ARFGEF2: variants seen among roughly 807,000 people sequenced by gnomAD.
The protein encoded by ARFGEF2 is brefeldin A-inhibited guanine nucleotide-exchange protein 2.
Under a neutral mutation model 219.9 loss-of-function variants are expected in ARFGEF2, and 74 were observed. That is an observed-to-expected ratio of 0.34 (90% confidence interval 0.28 to 0.41). The LOEUF (loss-of-function observed/expected upper bound fraction) is 0.41, where lower values mean the gene tolerates loss of function less well. Ranked by LOEUF, ARFGEF2 falls within the 10% of genes least tolerant of loss-of-function variation. The pLI is 1.00. For synonymous variants in ARFGEF2, 733 were observed against 799.2 expected, an observed-to-expected ratio of 0.92 and a Z score of 1.40; for missense variants, 1,743 against 2,218.3, an observed-to-expected ratio of 0.79 and a Z score of 4.30.
At chr20:48,980,768 GT>G (rs2123441765) in intron 14 of ARFGEF2, among the ~76,000 whole-genome samples, 1 of 152,104 alleles carries the variant, frequency 6.6e-6, no homozygotes, top group Admixed American at 6.5e-5. Context: ...ATCTTTGTTG[GT>G]TTAAAGTCTG....
chr20:49,011,863 A>G, intron 27 of ARFGEF2, 61 bp from the exon 28 acceptor site: 1 of 1,596,692 alleles, frequency 6.3e-7, no homozygotes, highest in South Asian at 1.1e-5. Context: ...ACGCACGTGC[A>G]TTTTTTCATC....
intron 10 of ARFGEF2, 136 bp downstream of exon 10, chr20:48,971,490 A>G (rs2091227276): frequency 1.2e-6 from 1 of 840,368 alleles, no homozygotes; most frequent in Non-Finnish European, 1.9e-6. Context: ...TTCATATCTT[A>G]CCATCCTGGA....
intron 22 of ARFGEF2, 137 bp from the exon 23 acceptor site, chr20:48,995,646 G>A: frequency 1.3e-6 from 1 of 786,628 alleles, no homozygotes; most frequent in Non-Finnish European, 2.2e-6. Flanking sequence ...TCATCAGTGG[G>A]TTTTTGTTTC....
At chr20:49,008,274 A>T (rs2091475178) in intron 26 of ARFGEF2, among the ~76,000 whole-genome samples, 1 of 152,220 alleles carries the variant, frequency 6.6e-6, no homozygotes. Flanking sequence ...AAATGTTCAC[A>T]ATGTTTGGCC....
chr20:49,013,153 C>G (rs1018509294), intron 28 of ARFGEF2, among the ~76,000 whole-genome samples: 2 of 152,102 alleles, frequency 1.3e-5, no homozygotes, highest in African/African-American at 4.8e-5. Context: ...AGTGCCTGGC[C>G]CATAGCAAGC....
Position 48,969,293 on chromosome 20 carries a change from T to C in ARFGEF2, c.1190+16T>C, listed in dbSNP as rs1360545097. 6.2e-7 allele frequency: 1 copy of C among 1,614,136 alleles called. No individual in the cohort carries two copies. The highest frequency in any genetic ancestry group is 2.2e-5 in the East Asian group (1 of 44,882). On this transcript the variant is annotated intron_variant, in intron 9 of 38. Coordinates refer to ENST00000371917, the MANE Select transcript of ARFGEF2 (RefSeq NM_006420.3). ...CAGACCCAAAGTAAGCAGACAGCAG[T>C]TCTTGGCCACCTTCAGTCCAATGAT...
intron 33 of ARFGEF2, 24 bp downstream of exon 33, chr20:49,017,574 G>A: frequency 6.2e-7 from 1 of 1,613,296 alleles, no homozygotes; most frequent in Non-Finnish European, 8.5e-7. Flanking sequence ...TTTTTCTTTG[G>A]TTGTCTTTTC....
intron 34 of ARFGEF2, among the ~76,000 whole-genome samples, chr20:49,019,952 TAA>T (rs1485291728): frequency 6.6e-6 from 1 of 152,212 alleles, no homozygotes; most frequent in Non-Finnish European, 1.5e-5. Context: ...TACTGTCATT[TAA>T]AAAAATAAGT....
At chr20:48,947,436 G>A (rs2091035356) in intron 3 of ARFGEF2, among the ~76,000 whole-genome samples, 1 of 151,708 alleles carries the variant, frequency 6.6e-6, no homozygotes, top group Non-Finnish European at 1.5e-5. Context: ...GGGCATGATG[G>A]TTCACGCCTA....
intron 3 of ARFGEF2, among the ~76,000 whole-genome samples, chr20:48,948,187 A>G (rs1290676524): frequency 6.6e-6 from 1 of 152,226 alleles, no homozygotes; most frequent in Non-Finnish European, 1.5e-5. Flanking sequence ...CCCCAAACCC[A>G]ATTGCCTGTT....
At chr20:48,933,692 G>A (rs746655538) in intron 1 of ARFGEF2, among the ~76,000 whole-genome samples, 13 of 152,082 alleles carry the variant, frequency 8.5e-5, no homozygotes, top group African/African-American at 1.9e-4. Context: ...GCCAGCTGCC[G>A]CCTTAGTCAC....
At chr20:48,955,359 A>G (rs988771825) in intron 6 of ARFGEF2, among the ~76,000 whole-genome samples, 1 of 152,072 alleles carries the variant, frequency 6.6e-6, no homozygotes, top group Non-Finnish European at 1.5e-5. Flanking sequence ...GTAGCTCCTC[A>G]TCATATCTGT....
chr20:48,978,432 A>G (rs1019312007), intron 14 of ARFGEF2, among the ~76,000 whole-genome samples: 2 of 152,200 alleles, frequency 1.3e-5, no homozygotes, highest in South Asian at 2.1e-4. Flanking sequence ...CTTTTTGCTT[A>G]GGATTGTCTT....
intron 23 of ARFGEF2, among the ~76,000 whole-genome samples, chr20:48,997,336 G>C (rs1382692203): frequency 6.6e-6 from 1 of 152,226 alleles, no homozygotes; most frequent in African/African-American, 2.4e-5. Context: ...GCAGTGATGT[G>C]ATCTTGGCTC....
intron 20 of ARFGEF2, among the ~76,000 whole-genome samples, chr20:48,990,134 G>A (rs1376134330): frequency 2.0e-5 from 3 of 152,094 alleles, no homozygotes; most frequent in Non-Finnish European, 4.4e-5. Flanking sequence ...AGCCGAGATC[G>A]CGCCATTTTA....
chr20:48,973,780 GT>G (rs1242856960), intron 12 of ARFGEF2, among the ~76,000 whole-genome samples: 3 of 152,124 alleles, frequency 2.0e-5, no homozygotes, highest in Non-Finnish European at 4.4e-5. Context: ...GGAATTGTGT[GT>G]AGAATTTTGG....
intron 13 of ARFGEF2, among the ~76,000 whole-genome samples, chr20:48,975,760 C>T (rs1407167540): frequency 7.0e-6 from 1 of 143,520 alleles, no homozygotes; most frequent in African/African-American, 2.8e-5. Flanking sequence ...GAGATCGTGC[C>T]ACTGCACTCC....
Position 49,035,832 on chromosome 20 carries a change from C to A in ARFGEF2, c.*2633C>A. 5.1e-6 allele frequency: 1 copy of A among 195,344 alleles called. No individual in the cohort carries two copies. The highest frequency in any genetic ancestry group is 1.0e-5 in the Non-Finnish European group (1 of 97,046). The allele number at this position is 195,344 out of a possible 1,614,324, so 12.1% of individuals were successfully genotyped here. On this transcript the variant is annotated 3_prime_UTR_variant, in exon 39 of 39. Coordinates refer to ENST00000371917, the MANE Select transcript of ARFGEF2 (RefSeq NM_006420.3). ...CCAGCTTTGGCATCTTAACAACAAA[C>A]AGTGGATGGGTAATTTTTATTTCTG...
chr20:48,998,354 T>A lies in ARFGEF2; in HGVS notation c.3281T>A (p.Leu1094Gln). ...CCTGTAGTTGACTTTGTCCGCTGGC[T>A]GTGTGCTGTGTCCATGGATGAACTG... ...GNAIVDFVRW[L>Q]CAVSMDELAS... The change falls in exon 25 of 39, where the codon CTG becomes CAG. Residue 1094 changes from leucine (L) to glutamine (Q), a missense_variant. Physicochemically the swap from Leu to Gln is moderately radical, Grantham distance 113 (BLOSUM62 -2). This residue lies in a region of ARFGEF2 where 666 missense variants were observed against 955.4 expected (regional missense o/e 0.70). Transcript: ENST00000371917. 6.2e-7 allele frequency: 1 copy of A among 1,614,210 alleles called. No individual in the cohort carries two copies. The highest frequency in any genetic ancestry group is 8.5e-7 in the Non-Finnish European group (1 of 1,180,038).
Sources: allele counts gnomAD v4.1 joint callset (sites outside exome capture counted in the v4.1 genomes callset), GRCh38; gene constraint gnomAD v4.1.1; regional missense constraint gnomAD v4.1.1; transcripts MANE v1.5; gene names NCBI Gene and HGNC (gene_info 2026-07-23, HGNC 2026-07-21).